THOC2: variants seen among roughly 807,000 people sequenced by gnomAD.
The protein encoded by THOC2 is THO complex 2.
In THOC2, 10 loss-of-function variants were observed where a neutral mutation model predicts 128.4. The observed-to-expected ratio is 0.08, with a 90% CI of 0.05 to 0.13. The LOEUF (loss-of-function observed/expected upper bound fraction) is 0.13. THOC2 is among the 10% of genes least tolerant of loss of function. The pLI, the probability that THOC2 is intolerant of heterozygous loss-of-function variation, is 1.00. For missense variants in THOC2, 535 were observed against 1,155.7 expected, an observed-to-expected ratio of 0.46 and a Z score of 7.79; for synonymous variants, 393 against 396.9, an observed-to-expected ratio of 0.99 and a Z score of 0.12.
intron 12 of THOC2, among the ~76,000 whole-genome samples, chrX:123,659,339 G>A (rs1184508546): frequency 8.9e-6 from 1 of 112,576 alleles, no homozygotes; most frequent in Non-Finnish European, 1.9e-5. Flanking sequence ...TTGGGAGGCC[G>A]AGGCGGGCGG....
chrX:123,643,578 A>G (rs762461143), intron 15 of THOC2, among the ~76,000 whole-genome samples: 3 of 111,105 alleles, frequency 2.7e-5, no homozygotes, highest in Admixed American at 1.9e-4. Context: ...TCTTAAGTCC[A>G]GAAACTCTTT....
intron 38 of THOC2, among the ~76,000 whole-genome samples, chrX:123,608,147 T>C (rs977787661): frequency 9.0e-5 from 10 of 111,541 alleles, no homozygotes; most frequent in African/African-American, 3.3e-4. Flanking sequence ...ACGTCTGTAA[T>C]GCCAGCACTT....
chrX:123,638,906 C>A, intron 17 of THOC2, 28 bp downstream of exon 17: 1 of 844,047 alleles, frequency 1.2e-6, no homozygotes. Context: ...AATATGAAAT[C>A]TACATATTAC....
chrX:123,673,867 A>C (rs1207338047), intron 8 of THOC2, among the ~76,000 whole-genome samples: 1 of 111,365 alleles, frequency 9.0e-6, no homozygotes, highest in Non-Finnish European at 1.9e-5. Flanking sequence ...TTGCTTCCAG[A>C]CTATTCTCCC....
intron 9 of THOC2, 139 bp from the exon 10 acceptor site, chrX:123,668,453 TTTCAG>T: frequency 5.2e-6 from 2 of 382,243 alleles, no homozygotes; most frequent in Non-Finnish European, 8.6e-6. Context: ...TCTAAGTAAA[TTTCAG>T]TTATTTTCTT....
chrX:123,605,396 AT>A lies in THOC2; in HGVS notation c.*19-4059del, dbSNP rs773387802. Among the ~76,000 whole-genome samples the A allele has an allele frequency of 1.2e-4, 13 of 111,374 alleles. No homozygotes were observed. In the South Asian group the frequency reaches 1.9e-3, roughly 16 times the overall value. On this transcript the variant is annotated intron_variant, in intron 38 of 38. Coordinates refer to ENST00000245838, the MANE Select transcript of THOC2 (RefSeq NM_001081550.2). ...TCAGTGCACAAAACCTATACTCAGT[AT>A]TTTTTTTAAGTATAAAAGTTGATAA...
chrX:123,725,794 G>A (rs759945773), intron 1 of THOC2, among the ~76,000 whole-genome samples: 128 of 111,019 alleles, frequency 1.2e-3, no homozygotes, highest in African/African-American at 4.0e-3. Flanking sequence ...TGCCATCTAG[G>A]TCTTTTGTGG....
intron 15 of THOC2, among the ~76,000 whole-genome samples, chrX:123,643,681 T>A (rs1334901706): frequency 1.9e-5 from 2 of 106,524 alleles, no homozygotes; most frequent in African/African-American, 6.9e-5. Context: ...TCATACTGTA[T>A]AACAGCACCT....
chrX:123,628,041 T>TA (rs1474042277), intron 22 of THOC2, 73 bp from the exon 23 acceptor site: 1 of 807,115 alleles, frequency 1.2e-6, no homozygotes, highest in African/African-American at 2.1e-5. Context: ...TTTCATGGCA[T>TA]AAAAATCTAT....
chrX:123,637,942 C>T, intron 18 of THOC2, 101 bp downstream of exon 18: 1 of 581,997 alleles, frequency 1.7e-6, no homozygotes, highest in Non-Finnish European at 2.7e-6. Flanking sequence ...CAACTCTTAA[C>T]AAATAGGCTT....
At chrX:123,699,391 A>G (rs1179202891) in intron 4 of THOC2, among the ~76,000 whole-genome samples, 10 of 111,980 alleles carry the variant, frequency 8.9e-5, no homozygotes, top group Admixed American at 7.6e-4. Context: ...ATGTGTATTA[A>G]GGAAATTTTA....
At chrX:123,632,084 T>A (rs2047504476) in intron 21 of THOC2, among the ~76,000 whole-genome samples, 1 of 111,259 alleles carries the variant, frequency 9.0e-6, no homozygotes, top group Non-Finnish European at 1.9e-5. Flanking sequence ...CAAGCTGTTG[T>A]TCATCACTTT....
chrX:123,651,364 G>A (rs1484672231), intron 12 of THOC2, among the ~76,000 whole-genome samples: 1 of 111,583 alleles, frequency 9.0e-6, no homozygotes, highest in Non-Finnish European at 1.9e-5. Context: ...ATCTAAAATC[G>A]ACATCCTAAC....
rs748401363 is a variant in THOC2, at chrX:123,668,172, T to A, written c.1004A>T (p.Glu335Val). 18 of 1,188,643 alleles carry A rather than the reference T, an allele frequency of 1.5e-5. No homozygotes were observed. The South Asian group carries it at 3.4e-4, about 23-fold the overall frequency. Residue 335 changes from glutamate to valine, a missense_variant, in exon 10 of 39, where the codon GAG becomes GTG. Around this residue, in one of 9 missense-constraint regions of THOC2, gnomAD observed 197 missense variants for 313.4 expected, o/e 0.63. Coordinates refer to ENST00000245838, the MANE Select transcript of THOC2 (RefSeq NM_001081550.2). Reference sequence around the variant, plus strand: ...TGAATTACATACTTTCTCTACTTTCTCCTCTTCTTTTTCCTTTTCTTTCTC... The same window carrying A: ...TGAATTACATACTTTCTCTACTTTCACCTCTTCTTTTTCCTTTTCTTTCTC... ...EREKEKEKEE[E>V]KVEKPPDNQK...
chrX:123,640,194 T>A lies in THOC2; in HGVS notation c.1746+344A>T, dbSNP rs763539159. ...AGAGCAAGACTTCATCTCAAAAAAA[T>A]AAATAAATAAATAAATATTGCAGTG... On this transcript the variant is annotated intron_variant, in intron 16 of 38. Transcript: ENST00000245838. Among the ~76,000 whole-genome samples, 7 of 110,821 alleles carry A rather than the reference T, an allele frequency of 6.3e-5. No homozygotes were observed. In the South Asian group the frequency reaches 1.1e-3, roughly 18 times the overall value.
chrX:123,655,244 A>G (rs1296841678), intron 12 of THOC2, among the ~76,000 whole-genome samples: 1 of 111,783 alleles, frequency 8.9e-6, no homozygotes, highest in Non-Finnish European at 1.9e-5. Flanking sequence ...TCTTAAAACT[A>G]CTCTATGAAG....
At chrX:123,624,511 G>A (rs765703372) in intron 26 of THOC2, 30 bp downstream of exon 26, 1 of 1,185,771 alleles carries the variant, frequency 8.4e-7, no homozygotes, top group Admixed American at 2.3e-5. Flanking sequence ...ATATACATGG[G>A]TAAAATATAA....
chrX:123,671,371 T>C lies in THOC2; in HGVS notation c.861+298A>G, dbSNP rs779684818. Among the ~76,000 whole-genome samples, 11 of 112,064 alleles carry C rather than the reference T, an allele frequency of 9.8e-5. No individual in the cohort carries two copies. The East Asian group carries it at 2.8e-3, about 28-fold the overall frequency. ...ACTTGGCCTCTCTCCCCATGAGCTA[T>C]GCCTTGATGACAGTTAAGAACTTGA... On this transcript the variant is annotated intron_variant, in intron 9 of 38. Transcript: ENST00000245838.
At chrX:123,714,102 G>A (rs1317214210) in intron 1 of THOC2, among the ~76,000 whole-genome samples, 3 of 111,791 alleles carry the variant, frequency 2.7e-5, no homozygotes, top group Non-Finnish European at 1.9e-5. Flanking sequence ...AAATATAAAG[G>A]AAGAGTGCAA....
Sources: gnomAD v4.1 joint callset for allele counts (sites outside exome capture counted in the v4.1 genomes callset) on GRCh38, gnomAD v4.1.1 for gene constraint, gnomAD v4.1.1 regional missense constraint, MANE v1.5 for transcripts, NCBI Gene and HGNC (gene_info 2026-07-23, HGNC 2026-07-21) for gene names.